The following MACROD2 variants were observed in gnomAD, a reference collection of about 807,000 sequenced individuals.
The protein encoded by MACROD2 is ADP-ribose glycohydrolase MACROD2.
A neutral mutation model predicts 70.4 loss-of-function variants in MACROD2; 36 were observed. That is an observed-to-expected ratio of 0.51 (90% CI 0.39 to 0.68). The LOEUF is 0.68. MACROD2 is among the 30% of genes least tolerant of loss of function. The pLI, the probability that MACROD2 is intolerant of heterozygous loss-of-function variation, is 0.00. For missense variants in MACROD2, 496 were observed against 538.4 expected, an observed-to-expected ratio of 0.92 and a Z score of 0.78; for synonymous variants, 172 against 178.8, an observed-to-expected ratio of 0.96 and a Z score of 0.30.
intron 6 of MACROD2, among the ~76,000 whole-genome samples, chr20:15,400,706 G>T (rs1243925424): frequency 6.6e-6 from 1 of 152,078 alleles, no homozygotes; most frequent in East Asian, 1.9e-4. Context: ...CATCATATAG[G>T]CTACCTTTGG....
At chr20:14,092,003 A>C (rs184855263) in intron 3 of MACROD2, among the ~76,000 whole-genome samples, 4 of 152,274 alleles carry the variant, frequency 2.6e-5, no homozygotes, top group African/African-American at 9.6e-5. Context: ...TAGTTTTGTA[A>C]GAAACTGCTA....
chr20:14,122,210 G>C (rs1787198168), intron 3 of MACROD2, among the ~76,000 whole-genome samples: 1 of 152,132 alleles, frequency 6.6e-6, no homozygotes, highest in Non-Finnish European at 1.5e-5. Context: ...AGGAAACTTG[G>C]ATTTGAATTG....
chr20:15,548,474 C>T (rs539147897), intron 8 of MACROD2, among the ~76,000 whole-genome samples: 1 of 152,278 alleles, frequency 6.6e-6, no homozygotes, highest in South Asian at 2.1e-4. Flanking sequence ...CGGCTCACTG[C>T]AACCTCCACC....
intron 5 of MACROD2, among the ~76,000 whole-genome samples, chr20:15,216,358 T>C (rs1030069745): frequency 1.3e-5 from 2 of 151,710 alleles, no homozygotes; most frequent in Admixed American, 1.3e-4. Context: ...AATTAAAAAA[T>C]TTAAAAACTG....
intron 3 of MACROD2, among the ~76,000 whole-genome samples, chr20:14,287,994 CTT>C (rs1286506356): frequency 6.6e-6 from 1 of 152,062 alleles, no homozygotes; most frequent in Non-Finnish European, 1.5e-5. Context: ...AATCTATCAT[CTT>C]TTCCATATTC....
At chr20:15,362,414 T>G (rs545137379) in intron 6 of MACROD2, among the ~76,000 whole-genome samples, 2 of 148,582 alleles carry the variant, frequency 1.3e-5, no homozygotes, top group African/African-American at 5.0e-5. Context: ...TTAAGCATGA[T>G]GTTAGCTGTA....
At chr20:15,281,908 C>G (rs558001703) in intron 6 of MACROD2, among the ~76,000 whole-genome samples, 1 of 152,358 alleles carries the variant, frequency 6.6e-6, no homozygotes, top group East Asian at 1.9e-4. Flanking sequence ...CAGCAGATTT[C>G]TGCCTGGACA....
intron 6 of MACROD2, among the ~76,000 whole-genome samples, chr20:15,296,624 G>A (rs1268653923): frequency 6.6e-6 from 1 of 152,184 alleles, no homozygotes; most frequent in Non-Finnish European, 1.5e-5. Flanking sequence ...AAGCAGAGAT[G>A]CCAATCTCCC....
intron 3 of MACROD2, among the ~76,000 whole-genome samples, chr20:14,346,923 G>A (rs1172904855): frequency 6.6e-6 from 1 of 152,154 alleles, no homozygotes; most frequent in Non-Finnish European, 1.5e-5. Context: ...ACTTTCCCAA[G>A]TTGGTCTGTC....
chr20:15,254,099 A>C (rs1281552498), intron 6 of MACROD2, among the ~76,000 whole-genome samples: 2 of 152,096 alleles, frequency 1.3e-5, no homozygotes, highest in Non-Finnish European at 2.9e-5. Flanking sequence ...CTTACTTTAA[A>C]ATGTCTCTTC....
At chr20:14,577,948 A>T (rs1980722241) in intron 4 of MACROD2, among the ~76,000 whole-genome samples, 1 of 152,114 alleles carries the variant, frequency 6.6e-6, no homozygotes, top group South Asian at 2.1e-4. Flanking sequence ...AGATGAAGAC[A>T]CTTAGGCTAA....
chr20:14,247,366 A>G (rs957833056), intron 3 of MACROD2, among the ~76,000 whole-genome samples: 2 of 152,190 alleles, frequency 1.3e-5, no homozygotes, highest in Admixed American at 1.3e-4. Flanking sequence ...CATTGTCAAC[A>G]TCTCACTGGT....
chr20:14,597,182 A>G (rs1388680235), intron 4 of MACROD2, among the ~76,000 whole-genome samples: 1 of 152,158 alleles, frequency 6.6e-6, no homozygotes, highest in Non-Finnish European at 1.5e-5. Flanking sequence ...TTCCTTTCTG[A>G]GGATGTAAGT....
rs1162006558 is a variant in MACROD2 at position 15,514,565 on chromosome 20, A to G, written c.645+14718A>G. On this transcript the variant is annotated intron_variant, in intron 8 of 17. Transcript: ENST00000684519. ...TGTAGCACCAGGTTTGTATAAGTAT[A>G]CTCTATGATGTTCAAACAATAGTGA... 2.6e-5 allele frequency among the ~76,000 whole-genome samples: 4 copies of G among 152,276 alleles called. No individual in the cohort carries two copies. The South Asian group carries it at 6.2e-4, about 24-fold the overall frequency.
At chr20:15,414,704 A>G (rs1251248499) in intron 6 of MACROD2, among the ~76,000 whole-genome samples, 3 of 152,198 alleles carry the variant, frequency 2.0e-5, no homozygotes, top group Non-Finnish European at 1.5e-5. Context: ...AGGTATCCGT[A>G]TACGTGAAAA....
chr20:14,140,195 A>T (rs552818622), intron 3 of MACROD2, among the ~76,000 whole-genome samples: 1 of 152,324 alleles, frequency 6.6e-6, no homozygotes, highest in South Asian at 2.1e-4. Flanking sequence ...ATTCATGCAA[A>T]GTGGTTTGTC....
chr20:14,438,037 T>C (rs2084078802), intron 3 of MACROD2, among the ~76,000 whole-genome samples: 1 of 152,218 alleles, frequency 6.6e-6, no homozygotes, highest in Non-Finnish European at 1.5e-5. Flanking sequence ...ACATTAGATT[T>C]TTGGACTTTT....
intron 9 of MACROD2, among the ~76,000 whole-genome samples, chr20:15,865,567 A>T (rs1558381): frequency 3.9e-5 from 6 of 151,954 alleles, no homozygotes; most frequent in Non-Finnish European, 5.9e-5. Context: ...TTTGGTCTTA[A>T]GGTTTCTCTC....
chr20:15,404,992 A>T (rs186645561), intron 6 of MACROD2, among the ~76,000 whole-genome samples: 1 of 152,326 alleles, frequency 6.6e-6, no homozygotes, highest in East Asian at 1.9e-4. Flanking sequence ...ATATGAGTGA[A>T]CCTTAAAAAC....
Sources: allele counts gnomAD v4.1 joint callset (sites outside exome capture counted in the v4.1 genomes callset), GRCh38; gene constraint gnomAD v4.1.1; transcripts MANE v1.5; gene names NCBI Gene and HGNC (gene_info 2026-07-23, HGNC 2026-07-21).